ZNF182: variants seen among roughly 807,000 people sequenced by gnomAD.
The protein encoded by ZNF182 is zinc finger protein 182.
Under a neutral mutation model 28.1 loss-of-function variants are expected in ZNF182, and 10 were observed. That is an observed-to-expected ratio of 0.36 (90% confidence interval 0.22 to 0.60). The LOEUF (loss-of-function observed/expected upper bound fraction) is 0.60, where lower values mean the gene tolerates loss of function less well. Ranked by LOEUF, ZNF182 falls within the 20% of genes least tolerant of loss-of-function variation. The pLI, the probability that ZNF182 is intolerant of heterozygous loss-of-function variation, is 0.75. For missense variants in ZNF182, 352 were observed against 453.2 expected (o/e 0.78, Z 2.03); for synonymous variants, 156 against 158.7 (o/e 0.98, Z 0.13).
chrX:47,987,515 T>G (rs1556899928), intron 3 of ZNF182, among the ~76,000 whole-genome samples: 1 of 112,798 alleles, frequency 8.9e-6, no homozygotes, highest in Non-Finnish European at 1.9e-5. Context: ...CTGACTCTAC[T>G]TTCTGTATAT....
At position 47,985,526 on chromosome X, in the gene ZNF182, C is replaced by T. The variant is rs180783656; in HGVS notation, c.16-2115G>A. Among the ~76,000 whole-genome samples the T allele has an allele frequency of 4.2e-4, 47 of 111,434 alleles. 1 individual carries two copies. Among genetic ancestry groups the T allele is most frequent in the Admixed American group, 4.2e-3 (44 of 10,495 alleles). On this transcript the variant is annotated intron_variant, in intron 3 of 5. Transcript: ENST00000376943. Reference sequence around the variant, plus strand: ...ACAACAGAAGCTTCATGGCTGGGACCCTCTGAGACCTTACCCTATGCATCA... The same window carrying T: ...ACAACAGAAGCTTCATGGCTGGGACTCTCTGAGACCTTACCCTATGCATCA...
At chrX:47,998,357 G>C (rs1556901408) in intron 3 of ZNF182, among the ~76,000 whole-genome samples, 2 of 111,427 alleles carry the variant, frequency 1.8e-5, no homozygotes, top group African/African-American at 6.5e-5. Flanking sequence ...CTGAAATCAC[G>C]CAAAGGATAA....
In ZNF182 at chrX:47,979,686, TAAAAAG is replaced by T. The variant is rs2058897641; in HGVS notation, c.233-1895_233-1890del. The stretch of plus-strand genomic sequence containing the variant: ...ACTTTTAAGAATCACCACATTACTG[TAAAAAG>T]AAAGAGTATATTTATATATTTAACA... On this transcript the variant is annotated intron_variant, in intron 5 of 5. Transcript: ENST00000376943. Among the ~76,000 whole-genome samples, 3 of 111,236 alleles carry T rather than the reference TAAAAAG, an allele frequency of 2.7e-5. No homozygotes were observed. The East Asian group carries it at 8.4e-4, about 31-fold the overall frequency.
chrX:47,974,904 G>GT lies in ZNF182; in HGVS notation c.*1262dup, dbSNP rs1556897785. 1 of 111,283 alleles carries GT rather than the reference G, an allele frequency of 9.0e-6. No homozygotes were observed. Among genetic ancestry groups the GT allele is most frequent in the African/African-American group, 3.3e-5 (1 of 30,544 alleles). 9.2% of individuals were successfully genotyped at this position (111,283 alleles called of 1,213,427 possible). A position where few individuals can be genotyped will look rare whatever the true frequency, so the allele number is the denominator to read the frequency against. ...AGGTAGTACATCCACATAGTACATAGTACACCCACATTTTCAAAAGCTATG... is the reference window on the plus strand; with the variant it reads ...AGGTAGTACATCCACATAGTACATAGTTACACCCACATTTTCAAAAGCTATG... On this transcript the variant is annotated 3_prime_UTR_variant, in exon 6 of 6. Transcript: ENST00000376943.
chrX:47,992,371 C>A (rs1026041815), intron 3 of ZNF182, among the ~76,000 whole-genome samples: 1 of 111,474 alleles, frequency 9.0e-6, no homozygotes, highest in Non-Finnish European at 1.9e-5. Flanking sequence ...ACTCAGATAT[C>A]AGCCTTATAT....
intron 3 of ZNF182, among the ~76,000 whole-genome samples, chrX:47,996,982 C>T (rs2058960565): frequency 8.9e-6 from 1 of 111,805 alleles, no homozygotes. Flanking sequence ...ATCTATGGTA[C>T]TTTGTTATGG....
intron 3 of ZNF182, among the ~76,000 whole-genome samples, chrX:47,985,610 A>G (rs2058920906): frequency 9.0e-6 from 1 of 111,108 alleles, no homozygotes; most frequent in East Asian, 2.8e-4. Context: ...AATCATAAGC[A>G]TGTACTTTTC....
At chrX:47,987,174 C>T (rs1197246151) in intron 3 of ZNF182, among the ~76,000 whole-genome samples, 8 of 111,892 alleles carry the variant, frequency 7.1e-5, no homozygotes, top group African/African-American at 2.3e-4. Context: ...TAAAATAAAA[C>T]AACATGTCAG....
chrX:47,986,464 G>A (rs2058923700), intron 3 of ZNF182, among the ~76,000 whole-genome samples: 1 of 112,428 alleles, frequency 8.9e-6, no homozygotes, highest in African/African-American at 3.2e-5. Context: ...GAATTAGTGT[G>A]CTTCCAGTTG....
chrX:47,977,127 A>C lies in ZNF182; in HGVS notation c.903T>G (p.Cys301Trp). The C allele has an allele frequency of 8.3e-7, 1 of 1,210,923 alleles. No homozygotes were observed. The highest frequency in any genetic ancestry group is 1.1e-6 in the Non-Finnish European group (1 of 895,261). ...RTHTGEKPYE[C>W]NECGKAFTQK... Reference sequence around the variant, plus strand: ...GAGTGAAGGCTTTTCCACATTCATTACATTCATAAGGTTTTTCTCCTGTGT... The same window carrying C: ...GAGTGAAGGCTTTTCCACATTCATTCCATTCATAAGGTTTTTCTCCTGTGT... The change falls in exon 6 of 6, where the codon TGT (cysteine) becomes TGG (tryptophan). Residue 301 changes from cysteine to tryptophan, a missense_variant. By Grantham distance (215) the Cys-to-Trp change is radical. Coordinates refer to ENST00000376943, the MANE Select transcript of ZNF182 (RefSeq NM_001007088.2).
At position 47,976,269 on chromosome X, in the gene ZNF182, G is replaced by A; in HGVS notation, c.1761C>T (p.Ala587=). Residue 587 remains alanine (A), a synonymous_variant, in exon 6 of 6, where the codon GCC becomes GCT. Transcript: ENST00000376943. ...CAATAAGGTTTGATTTTTGGGTAAA[G>A]GCTTTCCCACATTCTGTACATTTAT... ...KPYKCTECGK[A]FTQKSNLIVH... 8.3e-7 allele frequency: 1 copy of A among 1,204,926 alleles called. No individual in the cohort carries two copies. Among genetic ancestry groups the A allele is most frequent in the Non-Finnish European group, 1.1e-6 (1 of 892,985 alleles).
chrX:47,988,555 A>G, intron 3 of ZNF182: 1 of 502,015 alleles, frequency 2.0e-6, no homozygotes, highest in Non-Finnish European at 3.6e-6. Flanking sequence ...CCATGAGTAG[A>G]AGCTTCCTGA....
intron 3 of ZNF182, among the ~76,000 whole-genome samples, chrX:47,991,055 C>T (rs1407501938): frequency 2.7e-5 from 3 of 111,438 alleles, no homozygotes; most frequent in African/African-American, 9.8e-5. Context: ...ATTATGTCCC[C>T]CCAAAATTCG....
At chrX:47,996,055 G>C (rs2058957521) in intron 3 of ZNF182, among the ~76,000 whole-genome samples, 1 of 112,591 alleles carries the variant, frequency 8.9e-6, no homozygotes, top group African/African-American at 3.2e-5. Context: ...TTAAGATTGT[G>C]AACAATGAAG....
At chrX:47,984,230 C>T (rs2058916490) in intron 3 of ZNF182, among the ~76,000 whole-genome samples, 2 of 111,570 alleles carry the variant, frequency 1.8e-5, no homozygotes, top group Admixed American at 1.9e-4. Context: ...TGAGACACCA[C>T]TATACACCCA....
intron 1 of ZNF182, 30 bp downstream of exon 1, chrX:48,003,879 G>C (rs999550652): frequency 1.9e-5 from 2 of 107,227 alleles, no homozygotes. Flanking sequence ...CTCAGCCCAC[G>C]ACCCCTAGCA....
chrX:47,991,492 G>A (rs2058941456), intron 3 of ZNF182, among the ~76,000 whole-genome samples: 1 of 112,518 alleles, frequency 8.9e-6, no homozygotes, highest in African/African-American at 3.2e-5. Context: ...CATTTGATGA[G>A]TATTTGTTAA....
intron 5 of ZNF182, 25 bp from the exon 6 acceptor site, chrX:47,977,822 C>T: frequency 9.0e-7 from 1 of 1,115,714 alleles, no homozygotes; most frequent in Non-Finnish European, 1.2e-6. Flanking sequence ...AATAAACCAC[C>T]TTTATGCTTT....
At chrX:47,999,419 G>A (rs782217040) in intron 3 of ZNF182, among the ~76,000 whole-genome samples, 1 of 110,575 alleles carries the variant, frequency 9.0e-6, no homozygotes. Context: ...TGAACCTGGG[G>A]GACATTATCC....
Sources: allele counts gnomAD v4.1 joint callset (sites outside exome capture counted in the v4.1 genomes callset), GRCh38; gene constraint gnomAD v4.1.1; transcripts MANE v1.5; gene names NCBI Gene and HGNC (gene_info 2026-07-23, HGNC 2026-07-21).